The following CD96 variants were observed in gnomAD, a reference collection of about 807,000 sequenced individuals.
CD96 encodes the protein CD96 molecule, also known as T-cell surface protein tactile.
CD96 carries 70 observed loss-of-function variants against 71.3 expected under a neutral mutation model. The observed-to-expected ratio is 0.98, with a 90% confidence interval of 0.81 to 1.20. The LOEUF is 1.20. CD96 is among the 50% of genes most tolerant of loss of function. The probability of loss-of-function intolerance (pLI) is 0.00; values close to 1 mark genes in which losing one functional copy is unlikely to be tolerated. For synonymous variants in CD96, 248 were observed against 233.0 expected (o/e 1.06, Z -0.59); for missense variants, 742 against 677.5 (o/e 1.10, Z -1.06).
intron 7 of CD96, among the ~76,000 whole-genome samples, chr3:111,604,171 C>G (rs1372213464): frequency 6.6e-6 from 1 of 152,112 alleles, no homozygotes; most frequent in African/African-American, 2.4e-5. Flanking sequence ...TGAGGAAACC[C>G]CGGAATTAAG....
chr3:111,646,184 A>G (rs550104742), intron 12 of CD96, among the ~76,000 whole-genome samples: 4 of 152,252 alleles, frequency 2.6e-5, no homozygotes, highest in Admixed American at 2.0e-4. Context: ...TCACTGGAGT[A>G]TCATTAGCAA....
At chr3:111,573,032 C>T (rs1211621851) in intron 3 of CD96, among the ~76,000 whole-genome samples, 1 of 152,096 alleles carries the variant, frequency 6.6e-6, no homozygotes, top group Non-Finnish European at 1.5e-5. Context: ...AGGGTTAACT[C>T]TCTAATGGAA....
intron 2 of CD96, among the ~76,000 whole-genome samples, chr3:111,548,350 A>G (rs1305374228): frequency 6.6e-6 from 1 of 152,144 alleles, no homozygotes; most frequent in Non-Finnish European, 1.5e-5. Context: ...TCTTTTCACA[A>G]TATTTTGTCT....
At chr3:111,564,523 CT>C (rs1451752356) in intron 2 of CD96, among the ~76,000 whole-genome samples, 1 of 151,980 alleles carries the variant, frequency 6.6e-6, no homozygotes, top group Admixed American at 6.5e-5. Context: ...GTTTTGTAAG[CT>C]TTTTTCTTCC....
At chr3:111,570,660 A>G in intron 3 of CD96, 1 of 1,609,854 alleles carries the variant, frequency 6.2e-7, no homozygotes, top group Non-Finnish European at 8.5e-7. Context: ...CCGGGACATG[A>G]CAAAGCATTT....
At chr3:111,570,613 G>A (rs1935933163) in intron 3 of CD96, 1 of 1,574,858 alleles carries the variant, frequency 6.3e-7, no homozygotes, top group Admixed American at 1.7e-5. Flanking sequence ...GGTGAGATGT[G>A]AGACACCAGG....
chr3:111,645,572 C>G (rs11719437), intron 12 of CD96, among the ~76,000 whole-genome samples: 4,441 of 152,132 alleles, frequency 0.029, 103 homozygotes, highest in Non-Finnish European at 0.044. Context: ...AAACTTTGGA[C>G]GTAAAATATT....
intron 1 of CD96, among the ~76,000 whole-genome samples, chr3:111,543,939 T>G (rs1238102211): frequency 6.6e-6 from 1 of 152,228 alleles, no homozygotes; most frequent in African/African-American, 2.4e-5. Context: ...GCCTGCTTTC[T>G]TTGTCAGAGT....
At chr3:111,641,784 A>G (rs1447766867) in intron 12 of CD96, among the ~76,000 whole-genome samples, 2 of 152,232 alleles carry the variant, frequency 1.3e-5, no homozygotes, top group African/African-American at 4.8e-5. Context: ...GAAAACTGAA[A>G]TTATATCAAG....
chr3:111,642,649 A>T (rs1318410083), intron 12 of CD96, among the ~76,000 whole-genome samples: 6 of 152,026 alleles, frequency 3.9e-5, no homozygotes, highest in Admixed American at 3.3e-4. Context: ...TCTACTAAAA[A>T]TACAAAAATC....
At chr3:111,610,738 A>G (rs1023671330) in intron 8 of CD96, among the ~76,000 whole-genome samples, 9 of 152,212 alleles carry the variant, frequency 5.9e-5, no homozygotes, top group Non-Finnish European at 8.8e-5. Context: ...TCCATGTGGA[A>G]CAATCAGAGA....
chr3:111,646,230 C>T (rs747507312), intron 12 of CD96, among the ~76,000 whole-genome samples: 36 of 151,948 alleles, frequency 2.4e-4, no homozygotes, highest in Non-Finnish European at 4.9e-4. Flanking sequence ...CATCTAACAT[C>T]GTGAGATAAA....
In CD96 at chr3:111,624,364, C is replaced by G; in HGVS notation, c.1281C>G (p.Phe427Leu). ...PSNSSMTTRG[F>L]NYPWTSSGTD... is the part of the protein sequence containing the mutation. ...ATTCCAGTATGACTACCCGAGGCTT[C>G]AACTATCCCTGGACCTCCAGTGGGA... Residue 427 changes from phenylalanine (F) to leucine (L), a missense_variant, in exon 10 of 14, where the codon TTC becomes TTG. Physicochemically the swap from Phe to Leu is conservative, Grantham distance 22. Transcript: ENST00000352690. 1 of 1,612,464 alleles carries G rather than the reference C, an allele frequency of 6.2e-7. No homozygotes were observed.
At chr3:111,607,634 T>C (rs1937685417) in intron 8 of CD96, among the ~76,000 whole-genome samples, 1 of 152,158 alleles carries the variant, frequency 6.6e-6, no homozygotes, top group South Asian at 2.1e-4. Context: ...GAACTGAAAA[T>C]GGAATAAAAC....
chr3:111,543,649 A>T (rs1379005195), intron 1 of CD96, among the ~76,000 whole-genome samples: 1 of 152,266 alleles, frequency 6.6e-6, no homozygotes, highest in African/African-American at 2.4e-5. Flanking sequence ...TAGAAGTTAT[A>T]TGTAGGCTAA....
At position 111,593,856 on chromosome 3, in the gene CD96, C is replaced by G. The variant is rs1214143975; in HGVS notation, c.808-4264C>G. On this transcript the variant is annotated intron_variant, in intron 5 of 13. Coordinates refer to ENST00000352690, the MANE Select transcript of CD96 (RefSeq NM_005816.5). ...GGATCCTGGCGCTGCCCAGCCTGAC[C>G]ATGGCCACTCTTCTCCAGCTCCTCT... 4 of 1,613,836 alleles carry G rather than the reference C, an allele frequency of 2.5e-6. No individual in the cohort carries two copies. The Admixed American group carries it at 6.7e-5, about 27-fold the overall frequency.
downstream of CD96, among the ~76,000 whole-genome samples, chr3:111,653,405 C>T (rs16858380): frequency 7.8e-3 from 1,186 of 152,248 alleles, 18 homozygotes; most frequent in African/African-American, 0.027. Context: ...TTAGCTCATA[C>T]GTAAGTGCCT....
chr3:111,634,304 C>G (rs560766060), intron 10 of CD96: 1 of 152,222 alleles, frequency 6.6e-6, no homozygotes, highest in East Asian at 1.9e-4. Context: ...GTTGAACAAA[C>G]TTTACCAAAA....
intron 8 of CD96, among the ~76,000 whole-genome samples, chr3:111,621,551 G>C (rs1490782570): frequency 6.6e-6 from 1 of 152,218 alleles, no homozygotes; most frequent in East Asian, 1.9e-4. Flanking sequence ...ATTTTGAAAA[G>C]AGGTAACTGA....
Sources: allele counts gnomAD v4.1 joint callset (sites outside exome capture counted in the v4.1 genomes callset), GRCh38; gene constraint gnomAD v4.1.1; transcripts MANE v1.5; gene names NCBI Gene and HGNC (gene_info 2026-07-23, HGNC 2026-07-21).